NMBR: variants seen among roughly 807,000 people sequenced by gnomAD.
NMBR encodes neuromedin-B receptor.
NMBR carries 16 observed loss-of-function variants against 20.5 expected under a neutral mutation model. The ratio of observed to expected loss-of-function variants is 0.78; its 90% confidence interval spans 0.53 to 1.19. The LOEUF (loss-of-function observed/expected upper bound fraction) is 1.19, where lower values mean the gene tolerates loss of function less well. NMBR is among the 50% of genes most tolerant of loss of function. The pLI is 0.00. For synonymous variants in NMBR, 212 were observed against 196.6 expected (o/e 1.08, Z -0.65); for missense variants, 582 against 499.1 (o/e 1.17, Z -1.58).
chr6:142,075,681 A>G lies in NMBR; in HGVS notation c.1140T>C (p.Asn380=). The G allele has an allele frequency of 1.2e-6, 2 of 1,613,244 alleles. No homozygotes were observed. The change falls in exon 4 of 4, where the codon AAT becomes AAC. Residue 380 remains asparagine, a synonymous_variant. Transcript: ENST00000258042. ...KNMVTNSVLL[N]GHSMKQEMAL ...CCATTTCCTGCTTCATGCTGTGCCC[A>G]TTTAGTAAAACAGAATTGGTCACCA...
chr6:142,131,812 C>T (rs1582862279), intron 1 of NMBR, among the ~76,000 whole-genome samples: 1 of 152,154 alleles, frequency 6.6e-6, no homozygotes, highest in Admixed American at 6.6e-5. Flanking sequence ...CTATACACCC[C>T]TGAAAGGAGA....
chr6:142,077,703 T>G (rs1776977353), intron 3 of NMBR, among the ~76,000 whole-genome samples: 1 of 152,172 alleles, frequency 6.6e-6, no homozygotes, highest in Non-Finnish European at 1.5e-5. Flanking sequence ...TCCATCTATG[T>G]TCTAGTAAAT....
At position 142,088,573 on chromosome 6, in the gene NMBR, A is replaced by G. The variant is rs769767411; in HGVS notation, c.86T>C (p.Phe29Ser). 3 of 1,613,660 alleles carry G rather than the reference A, an allele frequency of 1.9e-6. No homozygotes were observed. Among genetic ancestry groups the G allele is most frequent in the Non-Finnish European group, 2.5e-6 (3 of 1,179,986 alleles). ...GGTGGTCCCGTCCGAGGCCGGCAGG[A>G]AATCCCTTTCCCACCCCTCGGGAAC... is the stretch of plus-strand genomic sequence containing the variant. Reference protein sequence around the residue: ...GSVPEGWERDFLPASDGTTTE... With the variant: ...GSVPEGWERDSLPASDGTTTE... Residue 29 changes from phenylalanine to serine, a missense_variant, in exon 2 of 4, where the codon TTC becomes TCC. By Grantham distance (155) the Phe-to-Ser change is radical. Coordinates refer to ENST00000258042, the MANE Select transcript of NMBR (RefSeq NM_002511.4).
intron 1 of NMBR, among the ~76,000 whole-genome samples, chr6:142,144,407 T>G (rs1778399258): frequency 6.6e-6 from 1 of 152,208 alleles, no homozygotes; most frequent in Non-Finnish European, 1.5e-5. Flanking sequence ...TAGGGTATGG[T>G]GTAAAACATT....
chr6:142,081,399 A>G (rs1318657582), intron 2 of NMBR, among the ~76,000 whole-genome samples: 1 of 152,250 alleles, frequency 6.6e-6, no homozygotes, highest in Non-Finnish European at 1.5e-5. Context: ...AAACAGATAC[A>G]GAAATCTCGG....
At chr6:142,097,585 A>T (rs886805270) in intron 1 of NMBR, among the ~76,000 whole-genome samples, 12 of 152,138 alleles carry the variant, frequency 7.9e-5, no homozygotes, top group Admixed American at 7.9e-4. Flanking sequence ...TGTAAGTTGC[A>T]CTATTGTAAA....
chr6:142,091,465 T>G (rs1304091951), intron 1 of NMBR, among the ~76,000 whole-genome samples: 1 of 152,164 alleles, frequency 6.6e-6, no homozygotes, highest in Non-Finnish European at 1.5e-5. Context: ...GCTCAAGCAA[T>G]CCTCTTGCCT....
At chr6:142,077,034 G>A (rs1199459560) in intron 3 of NMBR, among the ~76,000 whole-genome samples, 1 of 152,204 alleles carries the variant, frequency 6.6e-6, no homozygotes, top group Non-Finnish European at 1.5e-5. Flanking sequence ...AGAATGTGAT[G>A]TTCCACATGG....
intron 1 of NMBR, among the ~76,000 whole-genome samples, chr6:142,092,668 G>T (rs113485747): frequency 6.6e-6 from 1 of 152,120 alleles, no homozygotes; most frequent in Non-Finnish European, 1.5e-5. Context: ...CTCTACCATC[G>T]CTCTATCTTA....
In NMBR at chr6:142,092,856, G is replaced by A. The variant is rs78428768; in HGVS notation, c.-663-3535C>T. Among the ~76,000 whole-genome samples, 1,066 of 152,212 alleles carry A rather than the reference G, an allele frequency of 7.0e-3. 3 individuals are homozygous for A. The highest frequency in any genetic ancestry group is 0.014 in the Middle Eastern group (4 of 294). ...TCCCCTTGGGTTTTCAGCTAAATAC[G>A]TGTTTCTATCTGCATGTGGGAAAAT... On this transcript the variant is annotated intron_variant, in intron 1 of 3. Coordinates refer to ENST00000258042, the MANE Select transcript of NMBR (RefSeq NM_002511.4).
chr6:142,141,607 C>T (rs1303709656), intron 1 of NMBR, among the ~76,000 whole-genome samples: 1 of 150,816 alleles, frequency 6.6e-6, no homozygotes, highest in Non-Finnish European at 1.5e-5. Flanking sequence ...TGGGTTCAAG[C>T]GATTCTCCTG....
intron 1 of NMBR, among the ~76,000 whole-genome samples, chr6:142,090,209 T>A (rs920098801): frequency 6.6e-5 from 10 of 152,152 alleles, no homozygotes; most frequent in African/African-American, 2.2e-4. Flanking sequence ...AATAACACTC[T>A]TCATTAGGGA....
intron 1 of NMBR, among the ~76,000 whole-genome samples, chr6:142,139,514 T>G (rs1370735160): frequency 6.6e-6 from 1 of 152,186 alleles, no homozygotes; most frequent in Non-Finnish European, 1.5e-5. Flanking sequence ...CTCTCTCGCT[T>G]TTCCAGCTAC....
chr6:142,101,327 T>G (rs1486834065), intron 1 of NMBR, among the ~76,000 whole-genome samples: 1 of 152,184 alleles, frequency 6.6e-6, no homozygotes, highest in Non-Finnish European at 1.5e-5. Flanking sequence ...AAACAGCTTT[T>G]GGCTAAACTT....
chr6:142,121,609 T>C (rs568947536), intron 1 of NMBR, among the ~76,000 whole-genome samples: 1 of 151,986 alleles, frequency 6.6e-6, no homozygotes, highest in Admixed American at 6.6e-5. Flanking sequence ...AAAACACATT[T>C]TAAAACCTTT....
chr6:142,129,298 T>G (rs561753999), intron 1 of NMBR, among the ~76,000 whole-genome samples: 1 of 152,148 alleles, frequency 6.6e-6, no homozygotes, highest in African/African-American at 2.4e-5. Context: ...GAGCTCGCCT[T>G]CCCTCCTTTA....
intron 2 of NMBR, among the ~76,000 whole-genome samples, chr6:142,079,382 G>T (rs1470213980): frequency 6.6e-6 from 1 of 151,882 alleles, no homozygotes; most frequent in Non-Finnish European, 1.5e-5. Flanking sequence ...TATTAGCACA[G>T]AAAACAAAAA....
At chr6:142,118,653 T>C (rs1003734561) in intron 1 of NMBR, among the ~76,000 whole-genome samples, 1 of 151,996 alleles carries the variant, frequency 6.6e-6, no homozygotes, top group Non-Finnish European at 1.5e-5. Context: ...GTCTTTCAGA[T>C]TAAAAATAGA....
chr6:142,145,087 G>A (rs548348359), intron 1 of NMBR, among the ~76,000 whole-genome samples: 23 of 150,836 alleles, frequency 1.5e-4, no homozygotes, highest in Non-Finnish European at 3.1e-4. Flanking sequence ...AAAGAAAAGA[G>A]CATGTGTTGG....
Sources: gnomAD v4.1 joint callset for allele counts (sites outside exome capture counted in the v4.1 genomes callset) on GRCh38, gnomAD v4.1.1 for gene constraint, MANE v1.5 for transcripts, NCBI Gene and HGNC (gene_info 2026-07-23, HGNC 2026-07-21) for gene names.